The following RBFOX2 variants were observed in gnomAD, a reference collection of about 807,000 sequenced individuals.
RBFOX2 encodes the protein RNA binding fox-1 homolog 2.
Under a neutral mutation model 49.1 loss-of-function variants are expected in RBFOX2, and 10 were observed. The ratio of observed to expected loss-of-function variants is 0.20; its 90% CI spans 0.13 to 0.35. The LOEUF is 0.35. RBFOX2 is among the 10% of genes least tolerant of loss of function. The pLI, the probability that RBFOX2 is intolerant of heterozygous loss-of-function variation, is 1.00. For synonymous variants in RBFOX2, 183 were observed against 187.4 expected (o/e 0.98, Z 0.19); for missense variants, 323 against 486.9 (o/e 0.66, Z 3.17).
intron 2 of RBFOX2, among the ~76,000 whole-genome samples, chr22:35,787,214 AT>A (rs998628060): frequency 6.6e-6 from 1 of 151,936 alleles, no homozygotes. Context: ...TAATTTTTAT[AT>A]TTTTTGTAGA....
At chr22:35,984,545 C>A (rs2057611474) in intron 1 of RBFOX2, among the ~76,000 whole-genome samples, 1 of 152,172 alleles carries the variant, frequency 6.6e-6, no homozygotes, top group Non-Finnish European at 1.5e-5. Context: ...GTCTATAAAT[C>A]ATTAATGATA....
chr22:35,848,958 C>G (rs1395518823), intron 1 of RBFOX2, among the ~76,000 whole-genome samples: 2 of 152,064 alleles, frequency 1.3e-5, no homozygotes, highest in Non-Finnish European at 2.9e-5. Flanking sequence ...TCCAGGACTC[C>G]TAACTTCAAT....
At chr22:35,940,736 A>G (rs1569503305), upstream of RBFOX2, among the ~76,000 whole-genome samples, 1 of 152,212 alleles carries the variant, frequency 6.6e-6, no homozygotes, top group Non-Finnish European at 1.5e-5. Context: ...GTACATCCAT[A>G]GTGGAATATT....
chr22:35,816,852 C>A (rs148535064), intron 1 of RBFOX2, among the ~76,000 whole-genome samples: 17 of 152,310 alleles, frequency 1.1e-4, no homozygotes, highest in African/African-American at 3.9e-4. Flanking sequence ...GAAACTACTT[C>A]CATACAACCC....
At chr22:35,897,803 C>A (rs2149422599) in intron 1 of RBFOX2, 1 of 750,530 alleles carries the variant, frequency 1.3e-6, no homozygotes, top group South Asian at 1.3e-5. Flanking sequence ...AACAGCTTTA[C>A]GATAATGGCT....
intron 1 of RBFOX2, among the ~76,000 whole-genome samples, chr22:35,812,873 C>T (rs1463859830): frequency 6.6e-6 from 1 of 152,214 alleles, no homozygotes; most frequent in African/African-American, 2.4e-5. Flanking sequence ...TATGAATTCT[C>T]TCACAGCGTT....
intron 1 of RBFOX2, among the ~76,000 whole-genome samples, chr22:35,862,562 G>A (rs1434907069): frequency 6.6e-6 from 1 of 152,002 alleles, no homozygotes; most frequent in Admixed American, 6.6e-5. Flanking sequence ...ACATATCATC[G>A]TTTCTGTCTC....
intron 1 of RBFOX2, chr22:35,997,678 C>G (rs932126944): frequency 3.3e-5 from 5 of 152,188 alleles, no homozygotes; most frequent in African/African-American, 1.2e-4. Context: ...GAACACTTCC[C>G]TTGGCCTCCC....
chr22:35,965,212 T>C (rs1293013912), upstream of RBFOX2, among the ~76,000 whole-genome samples: 2 of 152,104 alleles, frequency 1.3e-5, no homozygotes, highest in East Asian at 3.9e-4. Flanking sequence ...AGAACAAAGA[T>C]TTACAAAGGG....
chr22:35,746,200 G>A (rs1473358290), intron 10 of RBFOX2, among the ~76,000 whole-genome samples: 1 of 152,166 alleles, frequency 6.6e-6, no homozygotes, highest in Non-Finnish European at 1.5e-5. Flanking sequence ...TCCATAAAAT[G>A]GAAAAGAAAG....
At chr22:35,784,250 T>G (rs1945871132) in intron 2 of RBFOX2, among the ~76,000 whole-genome samples, 1 of 152,166 alleles carries the variant, frequency 6.6e-6, no homozygotes, top group Non-Finnish European at 1.5e-5. Flanking sequence ...TCTGATATGC[T>G]GAAAACCAAG....
At chr22:35,881,109 A>G (rs1285062319) in intron 1 of RBFOX2, among the ~76,000 whole-genome samples, 2 of 152,028 alleles carry the variant, frequency 1.3e-5, no homozygotes, top group Non-Finnish European at 2.9e-5. Flanking sequence ...CTAAAAATAC[A>G]AAAATATTAG....
At chr22:35,846,639 C>T (rs2041259060) in intron 1 of RBFOX2, among the ~76,000 whole-genome samples, 1 of 151,860 alleles carries the variant, frequency 6.6e-6, no homozygotes, top group South Asian at 2.1e-4. Context: ...CCTGTAATCC[C>T]AGCTACTTGG....
At chr22:35,905,173 A>C (rs550847637) in intron 1 of RBFOX2, among the ~76,000 whole-genome samples, 22 of 152,312 alleles carry the variant, frequency 1.4e-4, no homozygotes, top group Admixed American at 1.2e-3. Flanking sequence ...AAAAATTTAC[A>C]AAGCAAATTA....
chr22:35,973,846 G>A (rs1468484020), intron 1 of RBFOX2, among the ~76,000 whole-genome samples: 1 of 152,168 alleles, frequency 6.6e-6, no homozygotes, highest in Non-Finnish European at 1.5e-5. Context: ...CTTGGCCACG[G>A]CATAGGGGAC....
chr22:35,915,571 G>A (rs2050320349), intron 1 of RBFOX2, among the ~76,000 whole-genome samples: 2 of 152,194 alleles, frequency 1.3e-5, no homozygotes, highest in Admixed American at 6.5e-5. Flanking sequence ...GCTGAAAAGT[G>A]CATTCCCTTT....
chr22:35,907,684 G>A (rs560389685), intron 1 of RBFOX2, among the ~76,000 whole-genome samples: 41 of 151,778 alleles, frequency 2.7e-4, no homozygotes, highest in African/African-American at 9.4e-4. Flanking sequence ...GTGTCGCTCC[G>A]TCGCGCAGGC....
At chr22:36,001,471 A>G (rs2058422523) in intron 1 of RBFOX2, among the ~76,000 whole-genome samples, 1 of 152,216 alleles carries the variant, frequency 6.6e-6, no homozygotes, top group Admixed American at 6.5e-5. Context: ...CTAAAAATAT[A>G]CAAATTAGGC....
intron 1 of RBFOX2, among the ~76,000 whole-genome samples, chr22:35,867,872 T>A: frequency 6.6e-6 from 1 of 152,170 alleles, no homozygotes; most frequent in East Asian, 1.9e-4. Flanking sequence ...TAGATATGAT[T>A]AATTGCCAAC....
Sources: gnomAD v4.1 joint callset for allele counts (sites outside exome capture counted in the v4.1 genomes callset) on GRCh38, gnomAD v4.1.1 for gene constraint, MANE v1.5 for transcripts, NCBI Gene and HGNC (gene_info 2026-07-23, HGNC 2026-07-21) for gene names.